Variants in LLGL1 observed in about 807,000 individuals in gnomAD.
LLGL1 encodes the protein lethal(2) giant larvae protein homolog 1.
A neutral mutation model predicts 110.6 loss-of-function variants in LLGL1; 58 were observed. The ratio of observed to expected loss-of-function variants is 0.52; its 90% CI spans 0.42 to 0.65. The LOEUF (loss-of-function observed/expected upper bound fraction) is 0.65, where lower values mean the gene tolerates loss of function less well. LLGL1 is among the 30% of genes least tolerant of loss of function. LLGL1 has a pLI of 0.00. For missense variants in LLGL1, 1,229 were observed against 1,462.1 expected (o/e 0.84, Z 2.60); for synonymous variants, 674 against 607.2 (o/e 1.11, Z -1.62).
intron 13 of LLGL1, chr17:18,237,163 G>A (rs1042637034): frequency 5.0e-6 from 3 of 598,172 alleles, no homozygotes; most frequent in Non-Finnish European, 8.9e-6. Context: ...GCTGTGCTCC[G>A]GCACTCACAT....
intron 6 of LLGL1, 38 bp from the exon 7 acceptor site, chr17:18,234,235 T>A: frequency 6.3e-7 from 1 of 1,596,566 alleles, no homozygotes; most frequent in South Asian, 1.1e-5. Context: ...CCACCATGGC[T>A]CATGCCTGCC....
intron 4 of LLGL1, 118 bp downstream of exon 4, chr17:18,232,920 G>C: frequency 2.2e-6 from 3 of 1,336,868 alleles, no homozygotes; most frequent in Non-Finnish European, 2.1e-6. Flanking sequence ...GGGATGCCTT[G>C]AGCTGGGCCT....
At chr17:18,238,965 C>T (rs549797890) in intron 16 of LLGL1, among the ~76,000 whole-genome samples, 1 of 152,034 alleles carries the variant, frequency 6.6e-6, no homozygotes, top group African/African-American at 2.4e-5. Flanking sequence ...GAGCCGAGAT[C>T]GTACCACTGC....
Position 18,240,886 on chromosome 17 carries a change from G to C in LLGL1, c.2502+13G>C. On this transcript the variant is annotated intron_variant, in intron 17 of 22. Coordinates refer to ENST00000316843, the MANE Select transcript of LLGL1 (RefSeq NM_004140.4). The surrounding 1 kb of genome is among the most constrained non-coding windows in gnomAD (Gnocchi z 5.3). Reference sequence around the variant, plus strand: ...GGAGCAGTTCAAGGTGAGCCACTGTGGGCTGTGGGGGACTCTGGGGGACTC... The same window carrying C: ...GGAGCAGTTCAAGGTGAGCCACTGTCGGCTGTGGGGGACTCTGGGGGACTC... The C allele has an allele frequency of 8.0e-6, 12 of 1,504,274 alleles. No homozygotes were observed. Among genetic ancestry groups the C allele is most frequent in the Non-Finnish European group, 9.8e-6 (11 of 1,116,876 alleles). 93.2% of individuals were successfully genotyped at this position (1,504,274 alleles called of 1,614,324 possible).
chr17:18,231,767 T>A (rs1013817893), intron 2 of LLGL1, among the ~76,000 whole-genome samples: 2 of 152,208 alleles, frequency 1.3e-5, no homozygotes, highest in Non-Finnish European at 2.9e-5. Flanking sequence ...TTCAAGCAGT[T>A]CTCTGCCTCA....
At chr17:18,232,634 C>T (rs1567687507) in intron 3 of LLGL1, 38 bp from the exon 4 acceptor site, 2 of 1,613,998 alleles carry the variant, frequency 1.2e-6, no homozygotes, top group Non-Finnish European at 1.7e-6. Flanking sequence ...ACTCATCCCC[C>T]TAGGCCAGCC....
In LLGL1 at chr17:18,240,103, CAG is replaced by C. The variant is rs2047793301; in HGVS notation, c.2207-474_2207-473del. ...TGCCACGTAGGGAGCACACTGAAGACAGTGGGGGTGAAGCAGGGCTAAGACAA... is the reference window on the plus strand; with the variant it reads ...TGCCACGTAGGGAGCACACTGAAGACTGGGGGTGAAGCAGGGCTAAGACAA... On this transcript the variant is annotated intron_variant, in intron 16 of 22. Coordinates refer to ENST00000316843, the MANE Select transcript of LLGL1 (RefSeq NM_004140.4). The surrounding 1 kb of genome is among the most constrained non-coding windows in gnomAD (Gnocchi z 5.3). 6.6e-6 allele frequency among the ~76,000 whole-genome samples: 1 copy of C among 152,106 alleles called. No individual in the cohort carries two copies. The highest frequency in any genetic ancestry group is 1.5e-5 in the Non-Finnish European group (1 of 68,010).
At position 18,229,963 on chromosome 17, in the gene LLGL1, A is replaced by G. The variant is rs115967277; in HGVS notation, c.104A>G (p.Asn35Ser). The G allele has an allele frequency of 3.9e-3, 6,212 of 1,610,546 alleles. 43 individuals are homozygous for G. Among genetic ancestry groups the G allele is most frequent in the African/African-American group, 0.027 (2,034 of 74,976 alleles). ...CAGACTGTGGAGCATGGCTTCCCCA[A>G]TCAGCCCAGCGCCCTGGCCTTCGAC... ...FNKTVEHGFP[N>S]QPSALAFDPE... Residue 35 changes from asparagine (N) to serine (S), a missense_variant, in exon 2 of 23, where the codon AAT (asparagine) becomes AGT (serine). By Grantham distance (46) the Asn-to-Ser change is conservative. Coordinates refer to ENST00000316843, the MANE Select transcript of LLGL1 (RefSeq NM_004140.4).
chr17:18,234,520 T>G, intron 7 of LLGL1, 112 bp downstream of exon 7: 2 of 1,575,932 alleles, frequency 1.3e-6, no homozygotes, highest in Non-Finnish European at 1.7e-6. Context: ...GGGGGCAGTG[T>G]GTCTCCCGCC....
intron 20 of LLGL1, 64 bp downstream of exon 20, chr17:18,242,342 ACT>A: frequency 6.4e-7 from 1 of 1,554,382 alleles, no homozygotes. Flanking sequence ...GGGAGTCGGG[ACT>A]CACATAGCTC....
rs2047834857 is a variant in LLGL1, at chr17:18,241,665, A to G, written c.2717A>G (p.Lys906Arg). ...RPQVHYSCIR[K>R]EDISGIASCV... ...CAGGTGCACTATTCCTGCATCCGGAAGGAGGACATCAGCGGCATCGCTTCG... is the reference window on the plus strand; with the variant it reads ...CAGGTGCACTATTCCTGCATCCGGAGGGAGGACATCAGCGGCATCGCTTCG... The change falls in exon 18 of 23, where the codon AAG becomes AGG. Residue 906 changes from lysine (K) to arginine (R), a missense_variant. Lys to Arg is a conservative substitution (Grantham distance 26). Transcript: ENST00000316843. 1 of 1,613,608 alleles carries G rather than the reference A, an allele frequency of 6.2e-7. No homozygotes were observed. Among genetic ancestry groups the G allele is most frequent in the South Asian group, 1.1e-5 (1 of 91,094 alleles).
At position 18,244,722 on chromosome 17, in the gene LLGL1, C is replaced by T. The variant is rs866567010; in HGVS notation, c.*816C>T. On this transcript the variant is annotated 3_prime_UTR_variant, in exon 23 of 23. Transcript: ENST00000316843. The stretch of plus-strand genomic sequence containing the variant: ...GGCCTAGTCAGGTGTGTGTGTCCGG[C>T]GGGGGGGGGGGGCAGGGGGGGGGGT... The T allele has an allele frequency of 0.018, 140 of 7,896 alleles. 11 individuals are homozygous for T. Among genetic ancestry groups the T allele is most frequent in the Non-Finnish European group, 0.024 (116 of 4,742 alleles). The allele number at this position is 7,896 out of a possible 1,614,324, so 0.5% of individuals were successfully genotyped here.
rs2047635853 is a variant in LLGL1 at position 18,234,181 on chromosome 17, T to A, written c.714+6T>A. The A allele has an allele frequency of 1.2e-6, 2 of 1,600,778 alleles. No individual in the cohort carries two copies. Among genetic ancestry groups the A allele is most frequent in the Non-Finnish European group, 1.7e-6 (2 of 1,171,366 alleles). ...ACATCTTCCTGGGGAACCAGGTATG[T>A]AGGTGAGGCCTGTGTCCCCTCAGCC... On this transcript the variant is annotated splice_donor_region_variant and intron_variant, in intron 6 of 22. Transcript: ENST00000316843.
At position 18,232,817 on chromosome 17, in the gene LLGL1, G is replaced by C; in HGVS notation, c.392+15G>C. ...GATGGTGCCAGGTACTGGAGAACTT[G>C]GCTGGGGCCAGCCACCGGGCAGGGA... On this transcript the variant is annotated intron_variant, in intron 4 of 22. Coordinates refer to ENST00000316843, the MANE Select transcript of LLGL1 (RefSeq NM_004140.4). 1 of 1,613,646 alleles carries C rather than the reference G, an allele frequency of 6.2e-7. No homozygotes were observed. The highest frequency in any genetic ancestry group is 8.5e-7 in the Non-Finnish European group (1 of 1,179,972).
intron 22 of LLGL1, among the ~76,000 whole-genome samples, chr17:18,243,389 G>A (rs923207586): frequency 6.6e-6 from 1 of 152,192 alleles, no homozygotes; most frequent in Non-Finnish European, 1.5e-5. Flanking sequence ...TTACAGGCGT[G>A]AGCCACCGCA....
At chr17:18,229,604 C>T (rs1229800882) in intron 1 of LLGL1, among the ~76,000 whole-genome samples, 1 of 152,196 alleles carries the variant, frequency 6.6e-6, no homozygotes, top group Non-Finnish European at 1.5e-5. Context: ...GTGAGCCTTG[C>T]TTCACCTGTT....
In LLGL1 at chr17:18,244,737, G is replaced by GT. The variant is rs2047957954; in HGVS notation, c.*831_*832insT. 2.0e-5 allele frequency: 1 copy of GT among 51,210 alleles called. No individual in the cohort carries two copies. Among genetic ancestry groups the GT allele is most frequent in the African/African-American group, 7.3e-5 (1 of 13,640 alleles). 3.2% of individuals were successfully genotyped at this position (51,210 alleles called of 1,614,324 possible). A position where few individuals can be genotyped will look rare whatever the true frequency, so the allele number is the denominator to read the frequency against. Reference sequence around the variant, plus strand: ...GTGTGTCCGGCGGGGGGGGGGGGCAGGGGGGGGGGTCAAGATGAGTTTCCC... The same window carrying GT: ...GTGTGTCCGGCGGGGGGGGGGGGCAGTGGGGGGGGGTCAAGATGAGTTTCCC... On this transcript the variant is annotated 3_prime_UTR_variant, in exon 23 of 23. Coordinates refer to ENST00000316843, the MANE Select transcript of LLGL1 (RefSeq NM_004140.4).
At position 18,232,532 on chromosome 17, in the gene LLGL1, C is replaced by A. The variant is rs1024725728; in HGVS notation, c.217C>A (p.Arg73=). 3 of 1,614,044 alleles carry A rather than the reference C, an allele frequency of 1.9e-6. No homozygotes were observed. Among genetic ancestry groups the A allele is most frequent in the Non-Finnish European group, 2.5e-6 (3 of 1,179,958 alleles). The change falls in exon 3 of 23, where the codon CGG becomes AGG. Residue 73 remains arginine, a synonymous_variant. Transcript: ENST00000316843. Reference sequence around the variant, plus strand: ...TGGCGTGGAGTTCACAGGCCTGCACCGGGATGCAGCCACTGTCACACAGAT... The same window carrying A: ...TGGCGTGGAGTTCACAGGCCTGCACAGGGATGCAGCCACTGTCACACAGAT... ...APGVEFTGLH[R]DAATVTQMHF... is the part of the protein sequence containing the mutation.
Position 18,238,084 on chromosome 17 carries a change from A to G in LLGL1, c.1922A>G (p.Asn641Ser), listed in dbSNP as rs369658890. ...PVLARCTLHPNDSLAMEGPLS... is the reference protein window; with the variant it reads ...PVLARCTLHPSDSLAMEGPLS... ...TCCCCCAGGTGCACTCTTCACCCCAATGACTCCCTGGCCATGGAGGGTCCG... is the reference window on the plus strand; with the variant it reads ...TCCCCCAGGTGCACTCTTCACCCCAGTGACTCCCTGGCCATGGAGGGTCCG... The change falls in exon 15 of 23, where the codon AAT becomes AGT. Residue 641 changes from asparagine (N) to serine (S), a missense_variant. Transcript: ENST00000316843. The G allele has an allele frequency of 1.9e-4, 313 of 1,613,616 alleles. No homozygotes were observed. The highest frequency in any genetic ancestry group is 3.3e-4 in the Middle Eastern group (2 of 6,084).
Sources: gnomAD v4.1 joint callset for allele counts (sites outside exome capture counted in the v4.1 genomes callset) on GRCh38, gnomAD v4.1.1 for gene constraint, Gnocchi (gnomAD v3.1) non-coding constraint, MANE v1.5 for transcripts, NCBI Gene and HGNC (gene_info 2026-07-23, HGNC 2026-07-21) for gene names.